NEDD1: variants seen among roughly 807,000 people sequenced by gnomAD.
NEDD1 encodes the protein protein NEDD1.
A neutral mutation model predicts 74.0 loss-of-function variants in NEDD1; 33 were observed. The observed-to-expected ratio is 0.45, with a 90% CI of 0.34 to 0.60. The LOEUF is 0.60. NEDD1 is among the 20% of genes least tolerant of loss of function. The pLI is 0.01. For missense variants in NEDD1, 746 were observed against 776.5 expected (o/e 0.96, Z 0.47); for synonymous variants, 250 against 264.4 (o/e 0.95, Z 0.53).
Position 96,953,091 on chromosome 12 carries a change from T to C in NEDD1, c.*1038T>C, listed in dbSNP as rs1297795124. The stretch of plus-strand genomic sequence containing the variant: ...CTACAATTTTAGGTTAAGTGAAGCT[T>C]GGGGGGGCTACTGACTTGGTTACCT... On this transcript the variant is annotated 3_prime_UTR_variant, in exon 16 of 16. Coordinates refer to ENST00000266742, the MANE Select transcript of NEDD1 (RefSeq NM_152905.4). 6.6e-6 allele frequency: 1 copy of C among 151,290 alleles called. No individual in the cohort carries two copies. The highest frequency in any genetic ancestry group is 1.9e-4 in the East Asian group (1 of 5,178). 9.4% of individuals were successfully genotyped at this position (151,290 alleles called of 1,614,324 possible).
At position 96,939,629 on chromosome 12, in the gene NEDD1, A is replaced by T. The variant is rs139230489; in HGVS notation, c.1118-780A>T. Among the ~76,000 whole-genome samples, 421 of 152,114 alleles carry T rather than the reference A, an allele frequency of 2.8e-3. 2 individuals are homozygous for T. The highest frequency in any genetic ancestry group is 4.3e-3 in the Non-Finnish European group (293 of 67,902). On this transcript the variant is annotated intron_variant, in intron 9 of 15. Coordinates refer to ENST00000266742, the MANE Select transcript of NEDD1 (RefSeq NM_152905.4). ...CCAATCCTGATGGCAGACTTTAATCAAAATTTTTGAACCTCTAAAACTGTC... is the reference window on the plus strand; with the variant it reads ...CCAATCCTGATGGCAGACTTTAATCTAAATTTTTGAACCTCTAAAACTGTC...
In NEDD1 at chr12:96,935,021, G is replaced by T; in HGVS notation, c.535G>T (p.Gly179Cys). 6.2e-7 allele frequency: 1 copy of T among 1,611,686 alleles called. No homozygotes were observed. Among genetic ancestry groups the T allele is most frequent in the Non-Finnish European group, 8.5e-7 (1 of 1,177,864 alleles). The change falls in exon 7 of 16, where the codon GGC becomes TGC. Residue 179 changes from glycine (G) to cysteine (C), a missense_variant. Gly to Cys is a radical substitution (Grantham distance 159, BLOSUM62 -3). Transcript: ENST00000266742. ...CTCCTTGTTTAAGAAATCACTACTG[G>T]GCAGTGTTTCGGATAATGGAATAGT... Reference protein sequence around the residue: ...KYSLFKKSLLGSVSDNGIVTL... With the variant: ...KYSLFKKSLLCSVSDNGIVTL...
At chr12:96,910,095 A>G (rs1407835673) in intron 3 of NEDD1, among the ~76,000 whole-genome samples, 200 bp downstream of exon 3, 1 of 152,242 alleles carries the variant, frequency 6.6e-6, no homozygotes, top group African/African-American at 2.4e-5. Context: ...TGTTGCGTTC[A>G]TTTAAAAAAA....
intron 4 of NEDD1, among the ~76,000 whole-genome samples, chr12:96,913,364 T>C (rs1592857499): frequency 6.6e-6 from 1 of 151,964 alleles, no homozygotes; most frequent in South Asian, 2.1e-4. Flanking sequence ...CTACGTACTG[T>C]TGCCTTATCC....
At chr12:96,943,457 C>T in intron 11 of NEDD1, 103 bp from the exon 12 acceptor site, 1 of 752,218 alleles carries the variant, frequency 1.3e-6, no homozygotes, top group Non-Finnish European at 2.3e-6. Flanking sequence ...GAATGCAGAT[C>T]CATATCTTCT....
intron 4 of NEDD1, among the ~76,000 whole-genome samples, chr12:96,913,129 G>T (rs1043508436): frequency 6.6e-6 from 1 of 152,074 alleles, no homozygotes; most frequent in Admixed American, 6.5e-5. Context: ...TCCCACATAG[G>T]TTACTAGGTT....
rs117117309 is a variant in NEDD1 at position 96,940,036 on chromosome 12, T to A, written c.1118-373T>A. ...AATCACATTTGTAGATGATCATGAG[T>A]CAGTCAATAGCAAAAGTAAGTTGTG... On this transcript the variant is annotated intron_variant, in intron 9 of 15. Coordinates refer to ENST00000266742, the MANE Select transcript of NEDD1 (RefSeq NM_152905.4). Among the ~76,000 whole-genome samples the A allele has an allele frequency of 6.8e-3, 1,033 of 152,126 alleles. 4 individuals carry two copies. Among genetic ancestry groups the A allele is most frequent in the Non-Finnish European group, 0.011 (721 of 67,934 alleles).
chr12:96,908,219 A>T (rs1252656078), intron 2 of NEDD1, among the ~76,000 whole-genome samples: 2 of 152,228 alleles, frequency 1.3e-5, no homozygotes, highest in African/African-American at 4.8e-5. Flanking sequence ...ACTGTATCGG[A>T]TGAATGGAGC....
intron 2 of NEDD1, among the ~76,000 whole-genome samples, chr12:96,909,044 T>G (rs944023293): frequency 6.6e-6 from 1 of 151,788 alleles, no homozygotes; most frequent in African/African-American, 2.4e-5. Flanking sequence ...GGTGTGGTGG[T>G]GCATGCCGGT....
intron 8 of NEDD1, among the ~76,000 whole-genome samples, 191 bp downstream of exon 8, chr12:96,937,003 T>C (rs78623950): frequency 1.3e-5 from 2 of 152,030 alleles, no homozygotes; most frequent in African/African-American, 4.8e-5. Flanking sequence ...CTTTTTTTTT[T>C]CTCCTTATAT....
At chr12:96,929,957 A>C (rs1592896610) in intron 6 of NEDD1, among the ~76,000 whole-genome samples, 1 of 152,196 alleles carries the variant, frequency 6.6e-6, no homozygotes, top group South Asian at 2.1e-4. Flanking sequence ...TTCTGTTCTC[A>C]GATCTGTCAC....
At chr12:96,909,669 T>C (rs1873694203) in intron 2 of NEDD1, 83 bp from the exon 3 acceptor site, 1 of 1,088,316 alleles carries the variant, frequency 9.2e-7, no homozygotes, top group African/African-American at 1.6e-5. Context: ...TAGAGCCACT[T>C]GTTTTAGATT....
At position 96,952,261 on chromosome 12, in the gene NEDD1, C is replaced by A; in HGVS notation, c.*208C>A. On this transcript the variant is annotated 3_prime_UTR_variant, in exon 16 of 16. Transcript: ENST00000266742. ...AAAATTGTACAGTATGTCATCTACC[C>A]AATAGGAAAGTCAACAGGATCTTTA... 3.0e-6 allele frequency: 1 copy of A among 329,004 alleles called. No homozygotes were observed. The highest frequency in any genetic ancestry group is 5.4e-6 in the Non-Finnish European group (1 of 183,660). 20.4% of individuals were successfully genotyped at this position (329,004 alleles called of 1,614,324 possible).
chr12:96,928,294 T>G (rs372685534), intron 6 of NEDD1, among the ~76,000 whole-genome samples: 2 of 152,204 alleles, frequency 1.3e-5, no homozygotes, highest in East Asian at 1.9e-4. Context: ...CTGGATGTAT[T>G]TCATTATTCA....
intron 6 of NEDD1, among the ~76,000 whole-genome samples, chr12:96,921,703 A>C (rs535974787): frequency 6.7e-6 from 1 of 150,344 alleles, no homozygotes; most frequent in Admixed American, 6.6e-5. Context: ...TCTATTGCCT[A>C]TGCTGGAGTG....
intron 15 of NEDD1, 84 bp from the exon 16 acceptor site, chr12:96,951,865 T>C: frequency 4.2e-6 from 3 of 722,608 alleles, no homozygotes; most frequent in Non-Finnish European, 7.1e-6. Flanking sequence ...ATGAGAGAAA[T>C]GATAGCTGAA....
At chr12:96,933,297 T>TCTAAATTTAGA (rs1876749589) in intron 6 of NEDD1, among the ~76,000 whole-genome samples, 2 of 152,142 alleles carry the variant, frequency 1.3e-5, no homozygotes, top group Non-Finnish European at 2.9e-5. Flanking sequence ...GTGTATTTAG[T>TCTAAATTTAGA]CTAAATTTAG....
At chr12:96,940,886 GTC>G (rs1555204665) in intron 10 of NEDD1, among the ~76,000 whole-genome samples, 2 of 151,950 alleles carry the variant, frequency 1.3e-5, no homozygotes, top group African/African-American at 2.4e-5. Context: ...ATGCAAAAAA[GTC>G]TTCCTAATTT....
intron 7 of NEDD1, 133 bp downstream of exon 7, chr12:96,935,338 TAA>T: frequency 1.6e-6 from 1 of 614,554 alleles, no homozygotes; most frequent in South Asian, 2.0e-5. Flanking sequence ...ATGGATCTAG[TAA>T]GAAAGAATTT....
Sources: allele counts gnomAD v4.1 joint callset (sites outside exome capture counted in the v4.1 genomes callset), GRCh38; gene constraint gnomAD v4.1.1; transcripts MANE v1.5; gene names NCBI Gene and HGNC (gene_info 2026-07-23, HGNC 2026-07-21).